Variants in ZEB1 observed in about 807,000 individuals in gnomAD.
ZEB1 encodes zinc finger E-box-binding homeobox 1.
In ZEB1, 21 loss-of-function variants were observed where a neutral mutation model predicts 84.9. That is an observed-to-expected ratio of 0.25 (90% CI 0.18 to 0.36). ZEB1 has a LOEUF of 0.36. Ranked by LOEUF, ZEB1 falls within the 10% of genes least tolerant of loss-of-function variation. The pLI, the probability that ZEB1 is intolerant of heterozygous loss-of-function variation, is 1.00. For synonymous variants in ZEB1, 420 were observed against 471.1 expected, an observed-to-expected ratio of 0.89 and a Z score of 1.41; for missense variants, 1,104 against 1,330.2, an observed-to-expected ratio of 0.83 and a Z score of 2.65.
chr10:31,362,376 C>T (rs1368849815), intron 1 of ZEB1, among the ~76,000 whole-genome samples: 1 of 149,250 alleles, frequency 6.7e-6, no homozygotes. Context: ...GGGGGCCGGG[C>T]AGAGGCACTC....
chr10:31,449,053 G>C (rs2060186325), intron 1 of ZEB1, among the ~76,000 whole-genome samples: 1 of 152,238 alleles, frequency 6.6e-6, no homozygotes, highest in Non-Finnish European at 1.5e-5. Context: ...TGCTGTGCTA[G>C]CAACCAGCGA....
At chr10:31,379,427 G>A (rs1227182178) in intron 1 of ZEB1, among the ~76,000 whole-genome samples, 1 of 151,580 alleles carries the variant, frequency 6.6e-6, no homozygotes, top group Admixed American at 6.6e-5. Flanking sequence ...GTCTCTGTCT[G>A]TCTGTCTCTC....
At chr10:31,369,214 A>G (rs1249293983) in intron 1 of ZEB1, among the ~76,000 whole-genome samples, 1 of 152,190 alleles carries the variant, frequency 6.6e-6, no homozygotes, top group Non-Finnish European at 1.5e-5. Context: ...ATAATATTTC[A>G]TATTGAGACA....
chr10:31,349,550 G>T (rs889224988), intron 1 of ZEB1, among the ~76,000 whole-genome samples: 1 of 152,100 alleles, frequency 6.6e-6, no homozygotes, highest in African/African-American at 2.4e-5. Flanking sequence ...GCGTACAGGG[G>T]TTTCCTTCTC....
At chr10:31,427,572 G>T (rs1046439582) in intron 1 of ZEB1, among the ~76,000 whole-genome samples, 2 of 152,032 alleles carry the variant, frequency 1.3e-5, no homozygotes, top group African/African-American at 4.8e-5. Context: ...ATGAATCTTG[G>T]CCAGGCGCGG....
At position 31,461,052 on chromosome 10, in the gene ZEB1, C is replaced by T; in HGVS notation, c.74C>T (p.Thr25Ile). 6.2e-7 allele frequency: 1 copy of T among 1,612,384 alleles called. No homozygotes were observed. Residue 25 changes from threonine to isoleucine, a missense_variant, in exon 2 of 9, where the codon ACT becomes ATT. Thr to Ile is a moderately conservative substitution (Grantham distance 89). Transcript: ENST00000424869. ...TGTATTACAGTTACAAATTATAATA[C>T]TGTGGTAGAAACAAATTCAGATTCA... The part of the protein sequence containing the change: ...PRRNNVTNYN[T>I]VVETNSDSDD...
In ZEB1 at chr10:31,513,397, T is replaced by TA. The variant is rs35797009; in HGVS notation, c.688-1204dup. Reference sequence around the variant, plus strand: ...AGGAGGGAAATTAAGAGTTTGGTGTTAATCATGTTAAGTTTCAGATCTCTA... The same window carrying TA: ...AGGAGGGAAATTAAGAGTTTGGTGTTAAATCATGTTAAGTTTCAGATCTCTA... On this transcript the variant is annotated intron_variant, in intron 5 of 8. Transcript: ENST00000424869. Among the ~76,000 whole-genome samples the TA allele has an allele frequency of 2.7e-3, 405 of 152,290 alleles. 10 individuals are homozygous for TA. The highest frequency in any genetic ancestry group is 0.017 in the Admixed American group (255 of 15,284).
chr10:31,386,163 C>A (rs2048610187), intron 1 of ZEB1, among the ~76,000 whole-genome samples: 1 of 151,668 alleles, frequency 6.6e-6, no homozygotes, highest in Admixed American at 6.6e-5. Flanking sequence ...TGCTTTTCAT[C>A]TGTATTAATA....
chr10:31,466,087 T>A (rs1446033266), intron 2 of ZEB1, among the ~76,000 whole-genome samples: 1 of 152,186 alleles, frequency 6.6e-6, no homozygotes, highest in African/African-American at 2.4e-5. Context: ...GATACAATTC[T>A]AAATATATTT....
At position 31,482,452 on chromosome 10, in the gene ZEB1, A is replaced by G. The variant is rs536895476; in HGVS notation, c.260-13324A>G. Among the ~76,000 whole-genome samples the G allele has an allele frequency of 1.1e-4, 16 of 151,928 alleles. No homozygotes were observed. In the South Asian group the frequency reaches 3.3e-3, roughly 32 times the overall value. On this transcript the variant is annotated intron_variant, in intron 2 of 8. Transcript: ENST00000424869. ...ATGGACACATGATACAGTGTAGCAT[A>G]CTAAATTGGCTCCTGGGCCAGAAAA...
chr10:31,448,647 T>C (rs2060111542), intron 1 of ZEB1, among the ~76,000 whole-genome samples: 2 of 152,040 alleles, frequency 1.3e-5, no homozygotes, highest in Admixed American at 6.5e-5. Context: ...GACCCTCAGC[T>C]GCAGGTCTGT....
chr10:31,480,064 A>G (rs1028916408), intron 2 of ZEB1, among the ~76,000 whole-genome samples: 7 of 151,990 alleles, frequency 4.6e-5, no homozygotes, highest in South Asian at 2.1e-4. Flanking sequence ...AGTTTTTAAA[A>G]CATATATAAA....
chr10:31,351,714 T>A (rs2041343532), intron 1 of ZEB1, among the ~76,000 whole-genome samples: 1 of 152,202 alleles, frequency 6.6e-6, no homozygotes, highest in South Asian at 2.1e-4. Flanking sequence ...TAATAAATTA[T>A]CTGATATCCT....
At chr10:31,409,497 C>A (rs1360412092) in intron 1 of ZEB1, among the ~76,000 whole-genome samples, 5 of 151,764 alleles carry the variant, frequency 3.3e-5, no homozygotes, top group African/African-American at 9.7e-5. Context: ...TATACGGGCT[C>A]TTTTTTGGTT....
chr10:31,365,798 TG>T (rs2044352095), intron 1 of ZEB1, among the ~76,000 whole-genome samples: 1 of 152,234 alleles, frequency 6.6e-6, no homozygotes, highest in Admixed American at 6.5e-5. Flanking sequence ...TGTTGATTTT[TG>T]TTGTTGGCCA....
intron 7 of ZEB1, among the ~76,000 whole-genome samples, chr10:31,523,388 C>T (rs1165919358): frequency 1.3e-5 from 2 of 152,194 alleles, no homozygotes; most frequent in Non-Finnish European, 2.9e-5. Flanking sequence ...GTAGAGCACA[C>T]CTCTCTCTTT....
chr10:31,451,541 TA>T (rs1375203465), intron 1 of ZEB1, among the ~76,000 whole-genome samples: 3 of 152,232 alleles, frequency 2.0e-5, no homozygotes, highest in Admixed American at 2.0e-4. Context: ...AGCATCCTTT[TA>T]TAAATGCAGA....
upstream of ZEB1, chr10:31,319,092 T>C (rs1373692580): frequency 3.3e-6 from 2 of 602,098 alleles, no homozygotes; most frequent in Non-Finnish European, 6.1e-6. Context: ...CCTCTAGGTG[T>C]AAGGAAGGTG....
chr10:31,364,756 C>T (rs1590356682), intron 1 of ZEB1, among the ~76,000 whole-genome samples: 4 of 152,328 alleles, frequency 2.6e-5, no homozygotes, highest in South Asian at 2.1e-4. Context: ...GCTTTGAACC[C>T]AGGCTGTGCG....
Sources: gnomAD v4.1 joint callset for allele counts (sites outside exome capture counted in the v4.1 genomes callset) on GRCh38, gnomAD v4.1.1 for gene constraint, MANE v1.5 for transcripts, NCBI Gene and HGNC (gene_info 2026-07-23, HGNC 2026-07-21) for gene names.